CTNNA3: variants seen among roughly 807,000 people sequenced by gnomAD.
CTNNA3 encodes the protein catenin alpha-3.
A neutral mutation model predicts 95.7 loss-of-function variants in CTNNA3; 76 were observed. The observed-to-expected ratio is 0.79, with a 90% CI of 0.66 to 0.96. CTNNA3 has a LOEUF of 0.96. CTNNA3 is among the 40% of genes least tolerant of loss of function. CTNNA3 has a pLI of 0.00. For synonymous variants in CTNNA3, 431 were observed against 374.4 expected, an observed-to-expected ratio of 1.15 and a Z score of -1.74; for missense variants, 1,191 against 1,089.8, an observed-to-expected ratio of 1.09 and a Z score of -1.31.
In CTNNA3 at chr10:67,315,497, T is replaced by C. The variant is rs375580812; in HGVS notation, c.580-95627A>G. 2.0e-5 allele frequency among the ~76,000 whole-genome samples: 3 copies of C among 152,266 alleles called. No individual in the cohort carries two copies. The East Asian group carries it at 5.8e-4, about 29-fold the overall frequency. ...CTATAAACTAAACTGATAGGCCATC[T>C]CAAATATATTAAGAACTTAGTAAAA... is the stretch of plus-strand genomic sequence containing the variant. On this transcript the variant is annotated intron_variant, in intron 5 of 17. Transcript: ENST00000433211.
chr10:67,620,657 T>C (rs73268192), intron 2 of CTNNA3, among the ~76,000 whole-genome samples: 13,132 of 152,100 alleles, frequency 0.086, 1,311 homozygotes, highest in African/African-American at 0.24. Flanking sequence ...AAAGGAAAGC[T>C]ACATTAAATG....
At chr10:67,210,168 A>T (rs1483673751) in intron 6 of CTNNA3, among the ~76,000 whole-genome samples, 2 of 151,904 alleles carry the variant, frequency 1.3e-5, no homozygotes, top group Non-Finnish European at 2.9e-5. Context: ...TTAGCCAGGC[A>T]TGATGGCATG....
At position 67,360,338 on chromosome 10, in the gene CTNNA3, C is replaced by G. The variant is rs1350258930; in HGVS notation, c.580-140468G>C. On this transcript the variant is annotated intron_variant, in intron 5 of 17. Coordinates refer to ENST00000433211, the MANE Select transcript of CTNNA3 (RefSeq NM_013266.4). The stretch of plus-strand genomic sequence containing the variant: ...CAAGCTAATAATATCATGACTGGAT[C>G]AAAACCTCACATATCAATATTAATC... 2.7e-5 allele frequency among the ~76,000 whole-genome samples: 4 copies of G among 145,874 alleles called. No individual in the cohort carries two copies. In the East Asian group the frequency reaches 8.6e-4, roughly 31 times the overall value.
intron 11 of CTNNA3, among the ~76,000 whole-genome samples, chr10:66,508,241 C>T (rs1371726687): frequency 9.4e-6 from 1 of 106,392 alleles, no homozygotes; most frequent in Non-Finnish European, 1.9e-5. Flanking sequence ...TTCGTTGACT[C>T]TCAGAGTCTA....
At chr10:67,724,413 G>A (rs760401165) in intron 1 of CTNNA3, among the ~76,000 whole-genome samples, 3 of 152,138 alleles carry the variant, frequency 2.0e-5, no homozygotes, top group African/African-American at 4.8e-5. Flanking sequence ...TCCCAATTTC[G>A]CATTCAGTTA....
intron 9 of CTNNA3, among the ~76,000 whole-genome samples, chr10:66,757,961 G>C (rs1484596160): frequency 6.6e-6 from 1 of 152,100 alleles, no homozygotes; most frequent in African/African-American, 2.4e-5. Flanking sequence ...ATGAGGTAAT[G>C]AGTGTAAAGT....
intron 7 of CTNNA3, among the ~76,000 whole-genome samples, chr10:66,907,547 C>A (rs1846039584): frequency 6.6e-6 from 1 of 152,086 alleles, no homozygotes; most frequent in Admixed American, 6.6e-5. Context: ...GGATTTCCAT[C>A]TTAAAGCAAA....
chr10:66,275,975 G>T (rs987833804), intron 13 of CTNNA3, among the ~76,000 whole-genome samples: 2 of 152,118 alleles, frequency 1.3e-5, no homozygotes, highest in Non-Finnish European at 2.9e-5. Context: ...CCAAAGATTG[G>T]ATTGTTATAT....
At chr10:66,905,711 A>G (rs1186403237) in intron 7 of CTNNA3, among the ~76,000 whole-genome samples, 2 of 152,204 alleles carry the variant, frequency 1.3e-5, no homozygotes, top group Non-Finnish European at 2.9e-5. Context: ...ATTTTGCTAC[A>G]TGCATTACGC....
intron 7 of CTNNA3, among the ~76,000 whole-genome samples, chr10:67,133,306 G>GATATATATATATAT (rs56800232): frequency 0.05 from 4,917 of 97,454 alleles, 416 homozygotes; most frequent in African/African-American, 0.11. Context: ...CATATTGCCT[G>GATATATATATATAT]ATATATATAT....
At chr10:66,139,184 A>C (rs185614010) in intron 13 of CTNNA3, among the ~76,000 whole-genome samples, 110 of 152,326 alleles carry the variant, frequency 7.2e-4, no homozygotes, top group African/African-American at 2.3e-3. Flanking sequence ...CATGATGCCG[A>C]AATGTTAGGC....
At chr10:66,791,279 C>G (rs912003592) in intron 7 of CTNNA3, among the ~76,000 whole-genome samples, 1 of 152,134 alleles carries the variant, frequency 6.6e-6, no homozygotes, top group Non-Finnish European at 1.5e-5. Flanking sequence ...TATGATCTGG[C>G]CTCTGCCTAA....
At chr10:67,391,483 G>A (rs2132770154) in intron 5 of CTNNA3, among the ~76,000 whole-genome samples, 1 of 152,218 alleles carries the variant, frequency 6.6e-6, no homozygotes, top group South Asian at 2.1e-4. Context: ...TACTGCCCAA[G>A]GTAATTTACA....
intron 5 of CTNNA3, among the ~76,000 whole-genome samples, chr10:67,489,007 A>G (rs1389724237): frequency 6.6e-6 from 1 of 152,196 alleles, no homozygotes; most frequent in Non-Finnish European, 1.5e-5. Flanking sequence ...AAGTACTGGG[A>G]TTATAGGCAT....
intron 9 of CTNNA3, among the ~76,000 whole-genome samples, chr10:66,744,546 A>G (rs1339140953): frequency 1.3e-5 from 2 of 152,142 alleles, no homozygotes; most frequent in African/African-American, 2.4e-5. Context: ...GCTCCATATC[A>G]CCTATTTCTA....
Position 66,277,849 on chromosome 10 carries a change from A to G in CTNNA3, c.1884+2621T>C, listed in dbSNP as rs573679711. On this transcript the variant is annotated intron_variant, in intron 13 of 17. Coordinates refer to ENST00000433211, the MANE Select transcript of CTNNA3 (RefSeq NM_013266.4). ...ATATATCTGCCTTAAAACTCAGAAA[A>G]CACTCTTTCAAACCATGTACTTAGA... Among the ~76,000 whole-genome samples, 29 of 152,146 alleles carry G rather than the reference A, an allele frequency of 1.9e-4. No individual in the cohort carries two copies. The South Asian group carries it at 6.0e-3, about 32-fold the overall frequency.
At chr10:67,450,807 T>G (rs1846951231) in intron 5 of CTNNA3, among the ~76,000 whole-genome samples, 1 of 151,946 alleles carries the variant, frequency 6.6e-6, no homozygotes, top group South Asian at 2.1e-4. Context: ...AAGTTAAAGA[T>G]TGAATCATAG....
At chr10:66,462,102 G>T (rs1306373859) in intron 11 of CTNNA3, among the ~76,000 whole-genome samples, 1 of 151,908 alleles carries the variant, frequency 6.6e-6, no homozygotes, top group Admixed American at 6.6e-5. Flanking sequence ...GAGCCACCAC[G>T]CCCAGCCATG....
In CTNNA3 at chr10:66,735,376, C is replaced by T. The variant is rs139138240; in HGVS notation, c.1281+30888G>A. On this transcript the variant is annotated intron_variant, in intron 9 of 17. Coordinates refer to ENST00000433211, the MANE Select transcript of CTNNA3 (RefSeq NM_013266.4). ...TTTAGAGGTAACTAACATTTTGATACTACTCATGACTAATGGTACATTAAG... is the reference window on the plus strand; with the variant it reads ...TTTAGAGGTAACTAACATTTTGATATTACTCATGACTAATGGTACATTAAG... Among the ~76,000 whole-genome samples the T allele has an allele frequency of 7.3e-3, 1,103 of 151,968 alleles. 12 individuals carry two copies. The highest frequency in any genetic ancestry group is 0.019 in the African/African-American group (786 of 41,524).
Sources: gnomAD v4.1 joint callset for allele counts (sites outside exome capture counted in the v4.1 genomes callset) on GRCh38, gnomAD v4.1.1 for gene constraint, MANE v1.5 for transcripts, NCBI Gene and HGNC (gene_info 2026-07-23, HGNC 2026-07-21) for gene names.